ASIC2: variants seen among roughly 807,000 people sequenced by gnomAD.
The protein encoded by ASIC2 is acid-sensing ion channel 2.
In ASIC2, 25 loss-of-function variants were observed where a neutral mutation model predicts 57.3. The ratio of observed to expected loss-of-function variants is 0.44; its 90% confidence interval spans 0.32 to 0.61. ASIC2 has a LOEUF of 0.61. Ranked by LOEUF, ASIC2 falls within the 20% of genes least tolerant of loss-of-function variation. The probability of loss-of-function intolerance (pLI) is 0.06; values close to 1 mark genes in which losing one functional copy is unlikely to be tolerated. For synonymous variants in ASIC2, 319 were observed against 307.5 expected (o/e 1.04, Z -0.39); for missense variants, 641 against 738.1 (o/e 0.87, Z 1.52).
chr17:33,894,350 C>CGTGTGTGTGT (rs201934419), intron 1 of ASIC2, among the ~76,000 whole-genome samples: 4 of 138,602 alleles, frequency 2.9e-5, no homozygotes, highest in South Asian at 2.4e-4. Context: ...TGCGTGCGTG[C>CGTGTGTGTGT]GTGTGTGTGT....
At chr17:34,099,782 GAAA>G in intron 1 of ASIC2, among the ~76,000 whole-genome samples, 1 of 48,308 alleles carries the variant, frequency 2.1e-5, no homozygotes, top group East Asian at 6.0e-4. Flanking sequence ...AAGAAAGAAA[GAAA>G]GAAAGAAAGA....
In ASIC2 at chr17:33,668,250, A is replaced by T. The variant is rs571770913; in HGVS notation, c.555+487728T>A. On this transcript the variant is annotated intron_variant, in intron 1 of 9. Coordinates refer to the ASIC2 transcript ENST00000359872. ...TTCTTTGGCCATTGAATAAAATCTG[A>T]TTGCTTCTCCAATCAAATGTTCTTT... is the stretch of plus-strand genomic sequence containing the variant. Among the ~76,000 whole-genome samples the T allele has an allele frequency of 6.8e-4, 65 of 95,294 alleles. 1 individual carries two copies. Among genetic ancestry groups the T allele is most frequent in the Non-Finnish European group, 9.9e-4 (45 of 45,466 alleles). The allele number at this position is 95,294 out of a possible 152,430, so 62.5% of individuals were successfully genotyped here. A position where few individuals can be genotyped will look rare whatever the true frequency, so the allele number is the denominator to read the frequency against.
intron 1 of ASIC2, among the ~76,000 whole-genome samples, chr17:33,130,886 G>C (rs903754996): frequency 2.0e-5 from 3 of 152,174 alleles, no homozygotes; most frequent in African/African-American, 7.2e-5. Context: ...CACAGATTTG[G>C]AACACAGTCT....
chr17:33,031,056 AT>A (rs771876500), intron 3 of ASIC2, among the ~76,000 whole-genome samples: 1 of 152,032 alleles, frequency 6.6e-6, no homozygotes, highest in Admixed American at 6.5e-5. Flanking sequence ...CTCTTTCTCA[AT>A]TTTTTGAATT....
chr17:33,104,253 C>T (rs2092226340), intron 2 of ASIC2, among the ~76,000 whole-genome samples: 1 of 152,176 alleles, frequency 6.6e-6, no homozygotes, highest in Admixed American at 6.5e-5. Context: ...AGGGGGCCTC[C>T]CATAAACACA....
intron 1 of ASIC2, among the ~76,000 whole-genome samples, chr17:33,113,529 C>A (rs1338248915): frequency 1.3e-5 from 2 of 152,182 alleles, no homozygotes; most frequent in East Asian, 3.8e-4. Flanking sequence ...TGCACTGTCC[C>A]ATCCTACAGC....
intron 1 of ASIC2, among the ~76,000 whole-genome samples, chr17:33,762,003 T>C (rs1247861243): frequency 6.6e-6 from 1 of 152,078 alleles, no homozygotes; most frequent in Non-Finnish European, 1.5e-5. Context: ...GATGAAGGCA[T>C]GGAAAAACTG....
At chr17:33,781,783 G>A (rs1334765731) in intron 1 of ASIC2, among the ~76,000 whole-genome samples, 1 of 152,100 alleles carries the variant, frequency 6.6e-6, no homozygotes, top group East Asian at 1.9e-4. Context: ...GGAGCAAGGG[G>A]CTTTCCATGG....
intron 1 of ASIC2, among the ~76,000 whole-genome samples, chr17:33,915,503 A>G (rs1915564183): frequency 6.6e-6 from 1 of 152,132 alleles, no homozygotes; most frequent in African/African-American, 2.4e-5. Flanking sequence ...GTTCAGATTT[A>G]TCCCATTTAA....
intron 1 of ASIC2, among the ~76,000 whole-genome samples, chr17:34,000,053 GT>G (rs201497398): frequency 3.1e-4 from 45 of 144,938 alleles, no homozygotes; most frequent in Middle Eastern, 3.6e-3. Context: ...TGTTATTGTT[GT>G]TTTTTTTTTT....
At chr17:33,121,444 G>A (rs535526152) in intron 1 of ASIC2, among the ~76,000 whole-genome samples, 9 of 152,164 alleles carry the variant, frequency 5.9e-5, no homozygotes, top group Non-Finnish European at 1.0e-4. Flanking sequence ...GGTGGTTTTC[G>A]GGGCATGGAG....
Position 33,291,412 on chromosome 17 carries a change from GAGA to G in ASIC2, c.701_703del (p.Phe234del), listed in dbSNP as rs757977999. ...TTCGCGCGGAGGGCAACTCACGGAG[GAGA>G]AGTTGTGCGGCCCGCAGAGCTCGCC... On this transcript the variant is annotated inframe_deletion, in exon 1 of 10. Transcript: ENST00000225823. 1.9e-6 allele frequency: 3 copies of G among 1,598,280 alleles called. No individual in the cohort carries two copies. Among genetic ancestry groups the G allele is most frequent in the Non-Finnish European group, 2.6e-6 (3 of 1,172,074 alleles).
intron 1 of ASIC2, among the ~76,000 whole-genome samples, chr17:33,344,589 G>A (rs1262443164): frequency 2.0e-5 from 3 of 152,140 alleles, no homozygotes; most frequent in East Asian, 3.9e-4. Flanking sequence ...TCTGTAAACT[G>A]AGGCTAAAAA....
chr17:33,717,048 C>CT (rs1345493353), intron 1 of ASIC2, among the ~76,000 whole-genome samples: 1 of 152,192 alleles, frequency 6.6e-6, no homozygotes, highest in African/African-American at 2.4e-5. Flanking sequence ...TTCCTCTAAA[C>CT]TTAACAACCT....
chr17:33,868,839 G>A (rs1038204849), intron 1 of ASIC2, among the ~76,000 whole-genome samples: 1 of 152,208 alleles, frequency 6.6e-6, no homozygotes, highest in African/African-American at 2.4e-5. Flanking sequence ...CAAGATGGGA[G>A]GATCACTTGA....
chr17:33,782,083 G>T (rs1911472309), intron 1 of ASIC2, among the ~76,000 whole-genome samples: 2 of 152,118 alleles, frequency 1.3e-5, no homozygotes, highest in African/African-American at 4.8e-5. Flanking sequence ...CTGATCGGTG[G>T]TTTGCAGATA....
chr17:33,159,529 C>A (rs752464967), intron 1 of ASIC2, among the ~76,000 whole-genome samples: 2 of 152,184 alleles, frequency 1.3e-5, no homozygotes, highest in African/African-American at 4.8e-5. Context: ...AGAGTTCATA[C>A]ACGGTCGCTA....
At chr17:34,152,420 T>C (rs1904561312) in intron 1 of ASIC2, among the ~76,000 whole-genome samples, 1 of 152,138 alleles carries the variant, frequency 6.6e-6, no homozygotes, top group Admixed American at 6.5e-5. Flanking sequence ...AAGAGTTAAC[T>C]ATCGAATCCA....
At chr17:33,066,420 A>G (rs1598260702) in intron 3 of ASIC2, among the ~76,000 whole-genome samples, 1 of 152,242 alleles carries the variant, frequency 6.6e-6, no homozygotes, top group East Asian at 1.9e-4. Flanking sequence ...TGTTTAGTAG[A>G]GCTTTGGAGG....
Sources: gnomAD v4.1 joint callset for allele counts (sites outside exome capture counted in the v4.1 genomes callset) on GRCh38, gnomAD v4.1.1 for gene constraint, MANE v1.5 for transcripts, NCBI Gene and HGNC (gene_info 2026-07-23, HGNC 2026-07-21) for gene names.